Variants in ZDHHC18 observed in about 807,000 individuals in gnomAD.
ZDHHC18 encodes the protein zDHHC palmitoyltransferase 18, also known as palmitoyltransferase ZDHHC18.
A neutral mutation model predicts 37.5 loss-of-function variants in ZDHHC18; 23 were observed. The ratio of observed to expected loss-of-function variants is 0.61; its 90% confidence interval spans 0.44 to 0.87. The LOEUF is 0.87. Among genes scored for constraint, ZDHHC18 ranks in the 40% least tolerant of loss-of-function variants. The probability of loss-of-function intolerance (pLI) is 0.00; values close to 1 mark genes in which losing one functional copy is unlikely to be tolerated. For synonymous variants in ZDHHC18, 185 were observed against 218.7 expected, an observed-to-expected ratio of 0.85 and a Z score of 1.36; for missense variants, 406 against 525.6, an observed-to-expected ratio of 0.77 and a Z score of 2.22.
chr1:26,834,712 C>G (rs1407253097), intron 2 of ZDHHC18, among the ~76,000 whole-genome samples: 1 of 152,186 alleles, frequency 6.6e-6, no homozygotes, highest in Non-Finnish European at 1.5e-5. Flanking sequence ...AAATGAATGA[C>G]TGAAGAATAG....
At chr1:26,851,037 G>T in intron 5 of ZDHHC18, 92 bp from the exon 6 acceptor site, 1 of 1,255,372 alleles carries the variant, frequency 8.0e-7, no homozygotes, top group South Asian at 1.2e-5. Flanking sequence ...GCTCTCTGGG[G>T]AAACAGCTCC....
intron 2 of ZDHHC18, among the ~76,000 whole-genome samples, chr1:26,833,845 C>T (rs887296042): frequency 1.3e-5 from 2 of 152,078 alleles, no homozygotes; most frequent in Admixed American, 6.6e-5. Context: ...CTGCATCCAT[C>T]GCTAGAAATC....
chr1:26,833,280 T>G (rs748168129), intron 2 of ZDHHC18, among the ~76,000 whole-genome samples: 2 of 152,042 alleles, frequency 1.3e-5, no homozygotes, highest in Non-Finnish European at 1.5e-5. Context: ...GGAGGGTGTG[T>G]GATTTTACAT....
intron 2 of ZDHHC18, among the ~76,000 whole-genome samples, chr1:26,840,417 C>G (rs913274666): frequency 3.9e-5 from 6 of 152,174 alleles, no homozygotes; most frequent in Non-Finnish European, 7.3e-5. Context: ...TCCAGCAGCC[C>G]CCTGAGATGG....
At chr1:26,832,991 AAAGT>A (rs2081595005) in intron 2 of ZDHHC18, among the ~76,000 whole-genome samples, 1 of 152,234 alleles carries the variant, frequency 6.6e-6, no homozygotes, top group African/African-American at 2.4e-5. Context: ...CCAAGATCAC[AAAGT>A]AAGTAGAAGA....
chr1:26,835,681 C>T (rs1457950760), intron 2 of ZDHHC18, among the ~76,000 whole-genome samples: 1 of 152,150 alleles, frequency 6.6e-6, no homozygotes, highest in Non-Finnish European at 1.5e-5. Flanking sequence ...AGCCTGGTGA[C>T]AGAGCAAGAC....
chr1:26,830,216 G>A (rs569724780), intron 1 of ZDHHC18, among the ~76,000 whole-genome samples: 4 of 152,184 alleles, frequency 2.6e-5, no homozygotes, highest in Non-Finnish European at 5.9e-5. Flanking sequence ...CCAGGGCCCC[G>A]TCATCTCCTT....
At chr1:26,837,452 T>C (rs2081618036) in intron 2 of ZDHHC18, among the ~76,000 whole-genome samples, 1 of 146,612 alleles carries the variant, frequency 6.8e-6, no homozygotes, top group South Asian at 2.1e-4. Flanking sequence ...ATTTAATATA[T>C]TATGTATATT....
At chr1:26,846,865 C>T (rs2081669669) in intron 2 of ZDHHC18, among the ~76,000 whole-genome samples, 1 of 151,934 alleles carries the variant, frequency 6.6e-6, no homozygotes, top group Non-Finnish European at 1.5e-5. Context: ...AATCACAATT[C>T]CATTATCATA....
chr1:26,839,089 G>A (rs914205065), intron 2 of ZDHHC18, among the ~76,000 whole-genome samples: 12 of 152,262 alleles, frequency 7.9e-5, no homozygotes, highest in African/African-American at 2.9e-4. Context: ...GGCTCTGACC[G>A]CAGAAGGCCT....
At chr1:26,829,366 G>C (rs2081573837) in intron 1 of ZDHHC18, among the ~76,000 whole-genome samples, 1 of 151,940 alleles carries the variant, frequency 6.6e-6, no homozygotes, top group African/African-American at 2.4e-5. Flanking sequence ...ATCCTCCCTG[G>C]CCTCTGTCCC....
chr1:26,835,118 G>A (rs982926680), intron 2 of ZDHHC18, among the ~76,000 whole-genome samples: 1 of 152,226 alleles, frequency 6.6e-6, no homozygotes, highest in Non-Finnish European at 1.5e-5. Flanking sequence ...AGACAAAGCT[G>A]AGGGAAGAGA....
At chr1:26,837,201 C>T (rs2081615902) in intron 2 of ZDHHC18, among the ~76,000 whole-genome samples, 2 of 146,318 alleles carry the variant, frequency 1.4e-5, no homozygotes, top group African/African-American at 2.5e-5. Context: ...TGCAGTGAGC[C>T]GAGATGGCGC....
Position 26,832,313 on chromosome 1 carries a change from T to G in ZDHHC18, c.336-134T>G, listed in dbSNP as rs536989100. 35 of 1,096,456 alleles carry G rather than the reference T, an allele frequency of 3.2e-5. No individual in the cohort carries two copies. In the African/African-American group the frequency reaches 5.2e-4, roughly 16 times the overall value. The allele number at this position is 1,096,456 out of a possible 1,614,324, so 67.9% of individuals were successfully genotyped here. On this transcript the variant is annotated intron_variant, in intron 1 of 7. Coordinates refer to ENST00000374142, the MANE Select transcript of ZDHHC18 (RefSeq NM_032283.3). The stretch of plus-strand genomic sequence containing the variant: ...GCTGCACTCATCAAGGAGCTGTGCC[T>G]CTGCCTCAGAGCGAGGCTGTATTCA...
intron 2 of ZDHHC18, among the ~76,000 whole-genome samples, chr1:26,841,468 A>G (rs2081638826): frequency 6.6e-6 from 1 of 152,114 alleles, no homozygotes; most frequent in Admixed American, 6.6e-5. Context: ...GATGGCACAG[A>G]GAAGTTGAGT....
rs370704147 is a variant in ZDHHC18, at chr1:26,830,716, G to A, written c.336-1731G>A. Among the ~76,000 whole-genome samples, 9 of 152,142 alleles carry A rather than the reference G, an allele frequency of 5.9e-5. 1 individual carries two copies. In the East Asian group the frequency reaches 7.7e-4, roughly 13 times the overall value. On this transcript the variant is annotated intron_variant, in intron 1 of 7. Transcript: ENST00000374142. ...TGCAGTGTGCTGGAAATATAAAGCTGAACAAGAGAACATAGTCTATACCCA... is the reference window on the plus strand; with the variant it reads ...TGCAGTGTGCTGGAAATATAAAGCTAAACAAGAGAACATAGTCTATACCCA...
intron 2 of ZDHHC18, among the ~76,000 whole-genome samples, chr1:26,846,069 T>C (rs1276422388): frequency 6.6e-6 from 1 of 151,874 alleles, no homozygotes; most frequent in Non-Finnish European, 1.5e-5. Flanking sequence ...ATGAATATGC[T>C]ATATCTCTGC....
At chr1:26,839,925 G>A (rs1570669925) in intron 2 of ZDHHC18, among the ~76,000 whole-genome samples, 2 of 152,212 alleles carry the variant, frequency 1.3e-5, no homozygotes, top group African/African-American at 4.8e-5. Context: ...TGCAGCCCCT[G>A]CAGAGCCTCC....
intron 7 of ZDHHC18, chr1:26,853,134 C>T (rs1409692820): frequency 2.8e-6 from 1 of 355,892 alleles, no homozygotes; most frequent in African/African-American, 2.1e-5. Flanking sequence ...GCCACCATGA[C>T]TGTTTCAGCC....
Sources: allele counts gnomAD v4.1 joint callset (sites outside exome capture counted in the v4.1 genomes callset), GRCh38; gene constraint gnomAD v4.1.1; transcripts MANE v1.5; gene names NCBI Gene and HGNC (gene_info 2026-07-23, HGNC 2026-07-21).